THEMIS: variants seen among roughly 807,000 people sequenced by gnomAD.
THEMIS encodes protein THEMIS.
In THEMIS, 37 loss-of-function variants were observed where a neutral mutation model predicts 52.6. That is an observed-to-expected ratio of 0.70 (90% CI 0.54 to 0.93). THEMIS has a LOEUF of 0.93. Ranked by LOEUF, THEMIS falls within the 40% of genes least tolerant of loss-of-function variation. The pLI is 0.00. For missense variants in THEMIS, 808 were observed against 763.1 expected, an observed-to-expected ratio of 1.06 and a Z score of -0.69; for synonymous variants, 292 against 272.7, an observed-to-expected ratio of 1.07 and a Z score of -0.70.
intron 1 of THEMIS, among the ~76,000 whole-genome samples, chr6:127,875,138 T>C (rs1466425231): frequency 6.6e-6 from 1 of 152,258 alleles, no homozygotes; most frequent in Non-Finnish European, 1.5e-5. Context: ...ATGGAAAAAT[T>C]GTCTTTCACG....
intron 4 of THEMIS, among the ~76,000 whole-genome samples, chr6:127,792,382 G>A (rs1218314951): frequency 6.6e-6 from 1 of 152,182 alleles, no homozygotes; most frequent in Non-Finnish European, 1.5e-5. Flanking sequence ...GGAACTTTGG[G>A]TGAGTTTTCT....
intron 2 of THEMIS, among the ~76,000 whole-genome samples, chr6:127,831,638 T>C: frequency 6.6e-6 from 1 of 152,196 alleles, no homozygotes; most frequent in East Asian, 1.9e-4. Flanking sequence ...GAAGTCATTT[T>C]TACTCATACA....
chr6:127,726,104 T>A (rs1471134718), intron 4 of THEMIS, among the ~76,000 whole-genome samples: 1 of 152,092 alleles, frequency 6.6e-6, no homozygotes, highest in Non-Finnish European at 1.5e-5. Flanking sequence ...GTCACAGGTG[T>A]TTGCAAGTGG....
At chr6:127,773,746 G>A (rs532830353) in intron 4 of THEMIS, among the ~76,000 whole-genome samples, 4 of 151,938 alleles carry the variant, frequency 2.6e-5, no homozygotes, top group East Asian at 1.9e-4. Flanking sequence ...GGTGGCTACC[G>A]AAAATAAATT....
chr6:127,778,831 ATTTT>A (rs58524604), intron 4 of THEMIS, among the ~76,000 whole-genome samples: 3 of 142,258 alleles, frequency 2.1e-5, no homozygotes, highest in Non-Finnish European at 3.1e-5. Context: ...CTCAAGTGGA[ATTTT>A]TTTTTTTTTT....
Position 127,794,058 on chromosome 6 carries a change from A to T in THEMIS, c.1758+18825T>A, listed in dbSNP as rs77343201. On this transcript the variant is annotated intron_variant, in intron 4 of 5. Transcript: ENST00000368248. The stretch of plus-strand genomic sequence containing the variant: ...CCAGGTAGAAATAAGCTAAATTTTA[A>T]GTCAGAATTGGAGAAGTTATAAAAT... 4.4e-3 allele frequency among the ~76,000 whole-genome samples: 677 copies of T among 152,334 alleles called. 6 individuals carry two copies. The highest frequency in any genetic ancestry group is 0.016 in the African/African-American group (650 of 41,572).
At chr6:127,768,194 GAAC>G (rs1045861092) in intron 4 of THEMIS, among the ~76,000 whole-genome samples, 5 of 152,246 alleles carry the variant, frequency 3.3e-5, no homozygotes, top group South Asian at 2.1e-4. Flanking sequence ...ATAAATTAAT[GAAC>G]AACATGATAC....
chr6:127,697,302 T>C, the THEMIS span, among the ~76,000 whole-genome samples: 3 of 152,292 alleles, frequency 2.0e-5, no homozygotes, highest in East Asian at 5.8e-4. Flanking sequence ...TAGTTCTACC[T>C]TTCCAAAATA....
At chr6:127,904,917 G>A (rs1463775900), upstream of THEMIS, among the ~76,000 whole-genome samples, 2 of 151,856 alleles carry the variant, frequency 1.3e-5, no homozygotes, top group African/African-American at 2.4e-5. Context: ...ACTGGAAATG[G>A]GAGCGTAGGA....
intron 4 of THEMIS, among the ~76,000 whole-genome samples, chr6:127,788,424 G>T (rs2114513661): frequency 6.6e-6 from 1 of 152,222 alleles, no homozygotes; most frequent in Non-Finnish European, 1.5e-5. Flanking sequence ...TGAATACAAA[G>T]GAAGCTTCTT....
intron 1 of THEMIS, among the ~76,000 whole-genome samples, chr6:127,915,522 T>C (rs1486901010): frequency 6.9e-6 from 1 of 144,168 alleles, no homozygotes; most frequent in Non-Finnish European, 1.5e-5. Flanking sequence ...ATAAAGATGA[T>C]GGGCTCTGTA....
At chr6:127,769,352 G>GTTTTTTTTTTTTTTTTTT (rs200806423) in intron 4 of THEMIS, among the ~76,000 whole-genome samples, 2 of 139,988 alleles carry the variant, frequency 1.4e-5, no homozygotes, top group African/African-American at 2.6e-5. Context: ...GTTTTTTTTT[G>GTTTTTTTTTTTTTTTTTT]TTTTTTTTTT....
Position 127,731,864 on chromosome 6 carries a change from A to ATTTTTTTTTTTTTTTTT in THEMIS, c.1759-12058_1759-12042dup, listed in dbSNP as rs58263706. Among the ~76,000 whole-genome samples the ATTTTTTTTTTTTTTTTT allele has an allele frequency of 6.5e-4, 27 of 41,708 alleles. 4 individuals are homozygous for ATTTTTTTTTTTTTTTTT. The highest frequency in any genetic ancestry group is 2.1e-3 in the African/African-American group (20 of 9,480). 27.4% of individuals were successfully genotyped at this position (41,708 alleles called of 152,430 possible). The stretch of plus-strand genomic sequence containing the variant: ...AGGTGCATGCCACCATGCCCGGCTA[A>ATTTTTTTTTTTTTTTTT]TTTTTTTTTTTTTTTTTTTTTTTAG... On this transcript the variant is annotated intron_variant, in intron 4 of 5. Transcript: ENST00000368248.
intron 4 of THEMIS, among the ~76,000 whole-genome samples, chr6:127,784,896 G>T (rs184374833): frequency 2.0e-5 from 3 of 152,136 alleles, no homozygotes; most frequent in African/African-American, 4.8e-5. Flanking sequence ...CTTTCATAAG[G>T]TTTATCTATA....
chr6:127,757,897 C>A (rs977185911), intron 4 of THEMIS, among the ~76,000 whole-genome samples: 1 of 151,922 alleles, frequency 6.6e-6, no homozygotes, highest in Non-Finnish European at 1.5e-5. Context: ...TAATAAAGGG[C>A]AGTACATATT....
chr6:127,745,480 G>T (rs1375026612), intron 4 of THEMIS, among the ~76,000 whole-genome samples: 1 of 151,758 alleles, frequency 6.6e-6, no homozygotes, highest in East Asian at 1.9e-4. Flanking sequence ...ATAACAGTAT[G>T]GATATGGCAT....
chr6:127,775,819 C>G (rs78955858), intron 4 of THEMIS, among the ~76,000 whole-genome samples: 1 of 151,800 alleles, frequency 6.6e-6, no homozygotes, highest in Admixed American at 6.6e-5. Flanking sequence ...TTGTTCAAAC[C>G]TTTCTCTCTC....
intron 4 of THEMIS, among the ~76,000 whole-genome samples, chr6:127,765,643 A>G (rs1202382268): frequency 2.0e-5 from 3 of 152,066 alleles, no homozygotes; most frequent in Non-Finnish European, 4.4e-5. Flanking sequence ...ATAAGATTAT[A>G]ATACTGTATC....
chr6:127,908,462 C>G (rs1781331075), intron 1 of THEMIS, among the ~76,000 whole-genome samples: 1 of 152,136 alleles, frequency 6.6e-6, no homozygotes, highest in South Asian at 2.1e-4. Context: ...CTGAGTCGAT[C>G]TGCGTATTTT....
Sources: allele counts gnomAD v4.1 joint callset (sites outside exome capture counted in the v4.1 genomes callset), GRCh38; gene constraint gnomAD v4.1.1; transcripts MANE v1.5; gene names NCBI Gene and HGNC (gene_info 2026-07-23, HGNC 2026-07-21).